Variants in SYCP1 observed in about 807,000 individuals in gnomAD.
The protein encoded by SYCP1 is cancer/testis antigen 8.
In SYCP1, 64 loss-of-function variants were observed where a neutral mutation model predicts 153.1. The observed-to-expected ratio is 0.42, with a 90% CI of 0.34 to 0.51. The LOEUF (loss-of-function observed/expected upper bound fraction) is 0.51. Among genes scored for constraint, SYCP1 ranks in the 20% least tolerant of loss-of-function variants. The pLI is 0.06. For synonymous variants in SYCP1, 384 were observed against 341.8 expected (o/e 1.12, Z -1.36); for missense variants, 997 against 1,049.0 (o/e 0.95, Z 0.68).
At chr1:114,934,400 A>C (rs1236703373) in intron 23 of SYCP1, among the ~76,000 whole-genome samples, 1 of 152,158 alleles carries the variant, frequency 6.6e-6, no homozygotes, top group East Asian at 1.9e-4. Context: ...ACAAGAGCTC[A>C]TGAAGGAAGC....
intron 23 of SYCP1, among the ~76,000 whole-genome samples, chr1:114,938,117 A>G (rs1186623236): frequency 6.6e-6 from 1 of 152,166 alleles, no homozygotes; most frequent in East Asian, 1.9e-4. Flanking sequence ...TTGCAGCACT[A>G]TTCACAATAG....
intron 15 of SYCP1, among the ~76,000 whole-genome samples, chr1:114,892,911 A>G (rs1666820601): frequency 6.6e-6 from 1 of 152,064 alleles, no homozygotes; most frequent in Non-Finnish European, 1.5e-5. Flanking sequence ...GTACGGGGCT[A>G]TAGCTGCTTA....
chr1:114,969,897 T>C (rs1672368012), intron 27 of SYCP1, among the ~76,000 whole-genome samples: 1 of 152,120 alleles, frequency 6.6e-6, no homozygotes, highest in African/African-American at 2.4e-5. Flanking sequence ...GGCTAGTAGA[T>C]GGAGTTCCCC....
chr1:114,934,997 A>T (rs1000463360), intron 23 of SYCP1, among the ~76,000 whole-genome samples: 6 of 152,190 alleles, frequency 3.9e-5, no homozygotes, highest in Non-Finnish European at 8.8e-5. Flanking sequence ...AGACAGATCA[A>T]TGAGACAGAA....
At chr1:114,867,258 A>G (rs1489744404) in intron 8 of SYCP1, among the ~76,000 whole-genome samples, 1 of 151,970 alleles carries the variant, frequency 6.6e-6, no homozygotes, top group Non-Finnish European at 1.5e-5. Flanking sequence ...CACCATATAA[A>G]CTTTAGAATC....
chr1:114,912,013 G>A (rs953059459), intron 18 of SYCP1, among the ~76,000 whole-genome samples: 18 of 151,932 alleles, frequency 1.2e-4, no homozygotes, highest in African/African-American at 2.4e-4. Context: ...GAGAGAAAGC[G>A]GGGAAATTAT....
At chr1:114,914,134 C>A in intron 20 of SYCP1, 89 bp downstream of exon 20, 1 of 966,432 alleles carries the variant, frequency 1.0e-6, no homozygotes, top group Non-Finnish European at 1.5e-6. Context: ...TTAAATTGGA[C>A]TGCTGTTGAA....
intron 29 of SYCP1, among the ~76,000 whole-genome samples, chr1:114,981,744 G>T (rs1673171247): frequency 6.6e-6 from 1 of 151,900 alleles, no homozygotes. Flanking sequence ...CCAAAGTATT[G>T]GGATTATAGG....
At position 114,994,934 on chromosome 1, in the gene SYCP1, G is replaced by A. The variant is rs748418206; in HGVS notation, c.2846G>A (p.Arg949Lys). ...TCTACACTGAAGTTTGGAGCTATAAGAAAAATGCGGGAGGACCGTTGGGCT... is the reference window on the plus strand; with the variant it reads ...TCTACACTGAAGTTTGGAGCTATAAAAAAAATGCGGGAGGACCGTTGGGCT... ...PGSTLKFGAI[R>K]KMREDRWAVI... The change falls in exon 32 of 32, where the codon AGA becomes AAA. Residue 949 changes from arginine (R) to lysine (K), a missense_variant. Coordinates refer to ENST00000369522, the MANE Select transcript of SYCP1 (RefSeq NM_003176.4). 3.1e-6 allele frequency: 5 copies of A among 1,608,512 alleles called. No individual in the cohort carries two copies.
rs372987503 is a variant in SYCP1, at chr1:114,856,621, A to T, written c.157A>T (p.Thr53Ser). The T allele has an allele frequency of 3.4e-5, 55 of 1,612,368 alleles. No individual in the cohort carries two copies. The highest frequency in any genetic ancestry group is 4.6e-5 in the Non-Finnish European group (54 of 1,179,354). The change falls in exon 3 of 32, where the codon ACT becomes TCT. Residue 53 changes from threonine to serine, a missense_variant. Coordinates refer to ENST00000369522, the MANE Select transcript of SYCP1 (RefSeq NM_003176.4). ...EDDFEFPFAKTNLSKNGENID... is the reference protein window; with the variant it reads ...EDDFEFPFAKSNLSKNGENID... Reference sequence around the variant, plus strand: ...TGATTTTGAGTTTCCATTTGCAAAGACTAATCTCTCCAAAAATGGGGAAAA... The same window carrying T: ...TGATTTTGAGTTTCCATTTGCAAAGTCTAATCTCTCCAAAAATGGGGAAAA...
chr1:114,971,239 G>A (rs776267291), intron 27 of SYCP1, among the ~76,000 whole-genome samples: 1 of 152,158 alleles, frequency 6.6e-6, no homozygotes, highest in African/African-American at 2.4e-5. Context: ...GCAGGGTTAG[G>A]CGTTTCTGAG....
chr1:114,928,261 A>G (rs1056295059), intron 23 of SYCP1, among the ~76,000 whole-genome samples: 13 of 151,520 alleles, frequency 8.6e-5, no homozygotes, highest in Admixed American at 2.0e-4. Context: ...TCAAAGTGCT[A>G]AAACCAAAGA....
Position 114,914,011 on chromosome 1 carries a change from A to C in SYCP1, c.1684A>C (p.Ile562Leu). 2.5e-6 allele frequency: 4 copies of C among 1,577,104 alleles called. No homozygotes were observed. Among genetic ancestry groups the C allele is most frequent in the Non-Finnish European group, 3.4e-6 (4 of 1,163,578 alleles). The change falls in exon 20 of 32, where the codon ATA becomes CTA. Residue 562 changes from isoleucine to leucine, a missense_variant. Around this residue, in one of 2 missense-constraint regions of SYCP1, gnomAD observed 712 missense variants for 682.9 expected, o/e 1.04. Coordinates refer to ENST00000369522, the MANE Select transcript of SYCP1 (RefSeq NM_003176.4). ...KKQEERMLKQ[I>L]ENLQETETQL... ...GCAAGAAGAAAGGATGTTGAAACAA[A>C]TAGAAAATCTTCAAGAAACAGAAAC...
chr1:114,943,631 G>A (rs902186393), intron 23 of SYCP1, among the ~76,000 whole-genome samples: 1 of 151,762 alleles, frequency 6.6e-6, no homozygotes, highest in Non-Finnish European at 1.5e-5. Context: ...GGGCAGTAGG[G>A]GAAAACTAAT....
chr1:114,903,834 T>A (rs1350506690), intron 16 of SYCP1, among the ~76,000 whole-genome samples: 3 of 152,204 alleles, frequency 2.0e-5, no homozygotes, highest in African/African-American at 7.2e-5. Context: ...TTACCATTTG[T>A]TTAAAATACT....
At position 114,909,451 on chromosome 1, in the gene SYCP1, G is replaced by A. The variant is rs202175362; in HGVS notation, c.1321-946G>A. ...TATTGTCTCTCTCTCTCTCTCCCCC[G>A]CCCTCCCTCCCTCCTTCCTTCTTTC... On this transcript the variant is annotated intron_variant, in intron 16 of 31. Coordinates refer to ENST00000369522, the MANE Select transcript of SYCP1 (RefSeq NM_003176.4). Among the ~76,000 whole-genome samples the A allele has an allele frequency of 1.7e-3, 100 of 57,986 alleles. 1 individual carries two copies. The East Asian group carries it at 0.042, about 24-fold the overall frequency. 38.0% of individuals were successfully genotyped at this position (57,986 alleles called of 152,430 possible).
intron 16 of SYCP1, among the ~76,000 whole-genome samples, chr1:114,904,406 T>G (rs1239484040): frequency 6.6e-6 from 1 of 152,012 alleles, no homozygotes; most frequent in African/African-American, 2.4e-5. Flanking sequence ...GTGAGCCACC[T>G]CGCCCCGCCT....
intron 27 of SYCP1, 29 bp from the exon 28 acceptor site, chr1:114,977,528 T>C: frequency 7.8e-7 from 1 of 1,279,076 alleles, no homozygotes; most frequent in Non-Finnish European, 1.1e-6. Flanking sequence ...ATGTTTATGT[T>C]ACTTGTACTT....
At chr1:114,936,562 G>A (rs753127662) in intron 23 of SYCP1, among the ~76,000 whole-genome samples, 1 of 152,136 alleles carries the variant, frequency 6.6e-6, no homozygotes, top group South Asian at 2.1e-4. Flanking sequence ...GGGCAATCAG[G>A]CAGGAGAAAG....
Sources: gnomAD v4.1 joint callset for allele counts (sites outside exome capture counted in the v4.1 genomes callset) on GRCh38, gnomAD v4.1.1 for gene constraint, gnomAD v4.1.1 regional missense constraint, MANE v1.5 for transcripts, NCBI Gene and HGNC (gene_info 2026-07-23, HGNC 2026-07-21) for gene names.